SLAIN2: variants seen among roughly 807,000 people sequenced by gnomAD.
The protein encoded by SLAIN2 is SLAIN family member 2.
A neutral mutation model predicts 56.6 loss-of-function variants in SLAIN2; 31 were observed. The observed-to-expected ratio is 0.55, with a 90% confidence interval of 0.41 to 0.74. The LOEUF (loss-of-function observed/expected upper bound fraction) is 0.74, where lower values mean the gene tolerates loss of function less well. SLAIN2 is among the 30% of genes least tolerant of loss of function. SLAIN2 has a pLI of 0.00. For missense variants in SLAIN2, 777 were observed against 754.2 expected, an observed-to-expected ratio of 1.03 and a Z score of -0.35; for synonymous variants, 317 against 284.9, an observed-to-expected ratio of 1.11 and a Z score of -1.13.
At chr4:48,382,195 T>C (rs541941236) in intron 4 of SLAIN2, among the ~76,000 whole-genome samples, 2 of 152,328 alleles carry the variant, frequency 1.3e-5, no homozygotes, top group East Asian at 3.9e-4. Context: ...CTTTTTCCAC[T>C]GGTTGGATGG....
Position 48,382,674 on chromosome 4 carries a change from T to C in SLAIN2, c.969T>C (p.Ser323=). Residue 323 remains serine, a synonymous_variant, in exon 5 of 8, where the codon AGT becomes AGC. Transcript: ENST00000264313. ...TFSDQELDAQ[S]LDDEDDNMHH... is the part of the protein sequence containing the mutation. ...GTGATCAGGAACTTGATGCACAAAGTTTAGATGATGAAGATGACAATATGC... is the reference window on the plus strand; with the variant it reads ...GTGATCAGGAACTTGATGCACAAAGCTTAGATGATGAAGATGACAATATGC... The C allele has an allele frequency of 6.2e-7, 1 of 1,613,848 alleles. No individual in the cohort carries two copies. The highest frequency in any genetic ancestry group is 8.5e-7 in the Non-Finnish European group (1 of 1,179,842).
chr4:48,349,552 G>A (rs1015867485), intron 1 of SLAIN2, among the ~76,000 whole-genome samples: 1 of 152,132 alleles, frequency 6.6e-6, no homozygotes, highest in Non-Finnish European at 1.5e-5. Context: ...TACTGGCATC[G>A]CTCTGTTTAG....
At chr4:48,417,818 T>C (rs1230247543) in intron 6 of SLAIN2, among the ~76,000 whole-genome samples, 2 of 151,920 alleles carry the variant, frequency 1.3e-5, no homozygotes, top group East Asian at 3.9e-4. Flanking sequence ...TGCTAAAAAC[T>C]CTCAATAAAT....
At chr4:48,350,699 A>T (rs1010695234) in intron 1 of SLAIN2, among the ~76,000 whole-genome samples, 2 of 152,222 alleles carry the variant, frequency 1.3e-5, no homozygotes, top group South Asian at 4.1e-4. Context: ...GTTATGGAGG[A>T]AATGAACAAC....
chr4:48,359,893 C>A (rs1222670012), intron 1 of SLAIN2, among the ~76,000 whole-genome samples: 1 of 152,132 alleles, frequency 6.6e-6, no homozygotes, highest in African/African-American at 2.4e-5. Context: ...CGGTGGCTTA[C>A]GCCTGTAATC....
rs1372112984 is a variant in SLAIN2 at position 48,423,405 on chromosome 4, G to A, written c.*1328G>A. On this transcript the variant is annotated 3_prime_UTR_variant, in exon 8 of 8. Coordinates refer to ENST00000264313, the MANE Select transcript of SLAIN2 (RefSeq NM_020846.2). ...AGAGTAAAACTTGCTTCTGTAGCAG[G>A]CCTCTCATTTTTTATTATGAGGTCT... 1 of 151,986 alleles carries A rather than the reference G, an allele frequency of 6.6e-6. No homozygotes were observed. Among genetic ancestry groups the A allele is most frequent in the Admixed American group, 6.6e-5 (1 of 15,238 alleles). The allele number at this position is 151,986 out of a possible 1,614,324, so 9.4% of individuals were successfully genotyped here.
At chr4:48,377,855 C>T (rs1715862732) in intron 2 of SLAIN2, 41 bp from the exon 3 acceptor site, 1 of 1,566,802 alleles carries the variant, frequency 6.4e-7, no homozygotes, top group Non-Finnish European at 8.7e-7. Flanking sequence ...TTAACTTTTT[C>T]TCAGTTGTTA....
intron 6 of SLAIN2, among the ~76,000 whole-genome samples, chr4:48,396,392 C>G (rs1716388613): frequency 1.3e-5 from 2 of 152,156 alleles, no homozygotes; most frequent in African/African-American, 4.8e-5. Context: ...CATTACCTAC[C>G]TCTTCTCTGT....
At chr4:48,366,363 C>T (rs1230737999) in intron 1 of SLAIN2, among the ~76,000 whole-genome samples, 1 of 152,140 alleles carries the variant, frequency 6.6e-6, no homozygotes, top group Non-Finnish European at 1.5e-5. Flanking sequence ...TGTATTTTTT[C>T]TGATTGTCCA....
intron 6 of SLAIN2, among the ~76,000 whole-genome samples, chr4:48,416,711 G>A (rs1034461092): frequency 2.0e-5 from 3 of 150,374 alleles, no homozygotes; most frequent in Admixed American, 1.3e-4. Flanking sequence ...ACTCAAAGCC[G>A]CTCAACTACA....
intron 1 of SLAIN2, among the ~76,000 whole-genome samples, chr4:48,350,304 C>T (rs1158175158): frequency 1.3e-5 from 2 of 152,186 alleles, no homozygotes; most frequent in East Asian, 3.8e-4. Context: ...GTGCTGATAC[C>T]CTGGTAGCCC....
intron 6 of SLAIN2, among the ~76,000 whole-genome samples, chr4:48,405,274 A>C (rs1003561324): frequency 1.3e-5 from 2 of 152,168 alleles, no homozygotes; most frequent in African/African-American, 4.8e-5. Flanking sequence ...ACCCCTCCCC[A>C]AAAAGTATCT....
chr4:48,349,179 T>C (rs754292097), intron 1 of SLAIN2, among the ~76,000 whole-genome samples: 4 of 152,222 alleles, frequency 2.6e-5, no homozygotes, highest in Non-Finnish European at 4.4e-5. Flanking sequence ...TTTTTTAGAG[T>C]ATATTTAACG....
intron 6 of SLAIN2, among the ~76,000 whole-genome samples, chr4:48,418,645 C>T (rs1490187413): frequency 2.0e-5 from 3 of 152,074 alleles, no homozygotes; most frequent in Non-Finnish European, 2.9e-5. Context: ...GTTTTGGTAT[C>T]TCAGTAATAC....
Position 48,422,273 on chromosome 4 carries a change from G to T in SLAIN2, c.*196G>T. ...ATGACATTTAACATCAGATGTGTTTGGTAATCATACAATCACTCTCCATAG... is the reference window on the plus strand; with the variant it reads ...ATGACATTTAACATCAGATGTGTTTTGTAATCATACAATCACTCTCCATAG... On this transcript the variant is annotated 3_prime_UTR_variant, in exon 8 of 8. Transcript: ENST00000264313. The T allele has an allele frequency of 1.9e-6, 1 of 519,540 alleles. No individual in the cohort carries two copies. Among genetic ancestry groups the T allele is most frequent in the Non-Finnish European group, 3.4e-6 (1 of 289,856 alleles). The allele number at this position is 519,540 out of a possible 1,614,324, so 32.2% of individuals were successfully genotyped here.
chr4:48,377,746 G>T (rs1577721733), intron 2 of SLAIN2, 150 bp from the exon 3 acceptor site: 1 of 746,756 alleles, frequency 1.3e-6, no homozygotes, highest in Non-Finnish European at 2.2e-6. Flanking sequence ...AATTTGTTGG[G>T]ATTATTATAT....
chr4:48,354,907 C>CT (rs531483004), intron 1 of SLAIN2, among the ~76,000 whole-genome samples: 12,063 of 149,482 alleles, frequency 0.081, 677 homozygotes, highest in Non-Finnish European at 0.12. Flanking sequence ...TTCTTTTTTT[C>CT]TTTTTTTTTG....
At position 48,425,967 on chromosome 4, in the gene SLAIN2, TAAA is replaced by T. The variant is rs913059046; in HGVS notation, c.*3895_*3897del. The T allele has an allele frequency of 1.3e-5, 2 of 152,100 alleles. No homozygotes were observed. Among genetic ancestry groups the T allele is most frequent in the South Asian group, 2.1e-4 (1 of 4,826 alleles). 9.4% of individuals were successfully genotyped at this position (152,100 alleles called of 1,614,324 possible). ...CTTAATGTTTTCTCTTTAAAAGAAA[TAAA>T]AAAATCTGTTTCTTCTGATTTCGAA... On this transcript the variant is annotated 3_prime_UTR_variant, in exon 8 of 8. Coordinates refer to ENST00000264313, the MANE Select transcript of SLAIN2 (RefSeq NM_020846.2).
intron 4 of SLAIN2, among the ~76,000 whole-genome samples, chr4:48,382,104 T>A (rs1022531782): frequency 3.9e-5 from 6 of 152,230 alleles, no homozygotes; most frequent in African/African-American, 1.4e-4. Flanking sequence ...TAGAAGTTTC[T>A]TTGGTACTTT....
Sources: gnomAD v4.1 joint callset for allele counts (sites outside exome capture counted in the v4.1 genomes callset) on GRCh38, gnomAD v4.1.1 for gene constraint, MANE v1.5 for transcripts, NCBI Gene and HGNC (gene_info 2026-07-23, HGNC 2026-07-21) for gene names.